The following PTPRQ variants were observed in gnomAD, a reference collection of about 807,000 sequenced individuals.
The protein encoded by PTPRQ is phosphatidylinositol phosphatase PTPRQ.
In PTPRQ, 199 loss-of-function variants were observed where a neutral mutation model predicts 246.0. The ratio of observed to expected loss-of-function variants is 0.81; its 90% CI spans 0.72 to 0.91. PTPRQ has a LOEUF of 0.91. Among genes scored for constraint, PTPRQ ranks in the 40% least tolerant of loss-of-function variants. The pLI is 0.00. For missense variants in PTPRQ, 2,624 were observed against 2,528.4 expected (o/e 1.04, Z -0.81); for synonymous variants, 869 against 853.2 (o/e 1.02, Z -0.32).
At chr12:80,527,733 C>T (rs1349680805) in intron 17 of PTPRQ, among the ~76,000 whole-genome samples, 5 of 152,092 alleles carry the variant, frequency 3.3e-5, no homozygotes, top group Non-Finnish European at 5.9e-5. Context: ...TATCTTTAAT[C>T]TCAGCACTTT....
chr12:80,459,665 G>T (rs941682025), intron 5 of PTPRQ, among the ~76,000 whole-genome samples, 182 bp downstream of exon 5: 1 of 152,118 alleles, frequency 6.6e-6, no homozygotes, highest in African/African-American at 2.4e-5. Context: ...AACACAATTG[G>T]CCTCATTCAG....
intron 27 of PTPRQ, among the ~76,000 whole-genome samples, chr12:80,607,721 C>T (rs1223023823): frequency 6.6e-6 from 1 of 150,834 alleles, no homozygotes; most frequent in East Asian, 1.9e-4. Flanking sequence ...ACTAGCCACA[C>T]CGATAAAACT....
intron 25 of PTPRQ, among the ~76,000 whole-genome samples, chr12:80,550,931 G>A (rs1010792316): frequency 1.3e-5 from 2 of 151,804 alleles, no homozygotes; most frequent in Non-Finnish European, 2.9e-5. Flanking sequence ...ATATTGATAG[G>A]CCCTCCTTCC....
intron 25 of PTPRQ, among the ~76,000 whole-genome samples, chr12:80,575,184 T>C (rs548830166): frequency 6.6e-6 from 1 of 152,344 alleles, no homozygotes; most frequent in Non-Finnish European, 1.5e-5. Flanking sequence ...CACTGAACAC[T>C]TTAGTGTATA....
intron 25 of PTPRQ, among the ~76,000 whole-genome samples, chr12:80,563,456 C>T (rs1046128529): frequency 3.2e-4 from 49 of 152,266 alleles, no homozygotes; most frequent in African/African-American, 1.1e-3. Flanking sequence ...CTAATCACCT[C>T]CCAAAGGCCT....
intron 8 of PTPRQ, among the ~76,000 whole-genome samples, chr12:80,476,292 G>A (rs915581424): frequency 4.6e-5 from 7 of 152,084 alleles, no homozygotes; most frequent in Non-Finnish European, 8.8e-5. Flanking sequence ...TTGCATATTG[G>A]TAAATATGAT....
At chr12:80,577,610 G>C (rs1244700792) in intron 25 of PTPRQ, among the ~76,000 whole-genome samples, 1 of 152,036 alleles carries the variant, frequency 6.6e-6, no homozygotes, top group Non-Finnish European at 1.5e-5. Context: ...CCTAAAAAAT[G>C]ACTTTTTCTT....
intron 8 of PTPRQ, among the ~76,000 whole-genome samples, chr12:80,477,821 C>G (rs577439282): frequency 6.6e-6 from 1 of 152,142 alleles, no homozygotes. Flanking sequence ...GCTTTTCTGA[C>G]GGGCTTAAAA....
At chr12:80,533,389 A>G (rs1895898906) in intron 17 of PTPRQ, among the ~76,000 whole-genome samples, 1 of 151,882 alleles carries the variant, frequency 6.6e-6, no homozygotes, top group Non-Finnish European at 1.5e-5. Context: ...TTCTGGAGTG[A>G]TATTGTAAAT....
chr12:80,642,713 G>A (rs1053161885), intron 35 of PTPRQ, among the ~76,000 whole-genome samples: 64 of 151,620 alleles, frequency 4.2e-4, no homozygotes, highest in African/African-American at 1.4e-3. Context: ...GAGGTCAGGA[G>A]ATCGAGACCA....
At chr12:80,448,644 G>A (rs886242554) in intron 3 of PTPRQ, among the ~76,000 whole-genome samples, 10 of 149,350 alleles carry the variant, frequency 6.7e-5, no homozygotes, top group Admixed American at 4.7e-4. Flanking sequence ...TCGTTCTTGC[G>A]ATAGTTTACT....
At chr12:80,632,147 G>A (rs1259599196) in intron 33 of PTPRQ, 45 bp from the exon 34 acceptor site, 12 of 1,521,224 alleles carry the variant, frequency 7.9e-6, no homozygotes, top group Non-Finnish European at 1.1e-5. Context: ...TTCAAAATAA[G>A]ATTCCATAAT....
intron 39 of PTPRQ, 71 bp from the exon 40 acceptor site, chr12:80,668,936 G>C: frequency 6.9e-7 from 1 of 1,452,426 alleles, no homozygotes. Context: ...TATGTTTCAT[G>C]CATTGATCGA....
intron 25 of PTPRQ, among the ~76,000 whole-genome samples, chr12:80,558,939 T>C (rs527624617): frequency 6.6e-6 from 1 of 152,352 alleles, no homozygotes; most frequent in African/African-American, 2.4e-5. Flanking sequence ...ATTGTTTTGT[T>C]TTATTGTTGA....
At chr12:80,655,531 C>A (rs999827908) in intron 38 of PTPRQ, among the ~76,000 whole-genome samples, 1 of 151,918 alleles carries the variant, frequency 6.6e-6, no homozygotes. Context: ...AAGTCACAGG[C>A]ACATCTATTC....
chr12:80,479,400 T>A (rs1259045803), intron 8 of PTPRQ, among the ~76,000 whole-genome samples: 3 of 151,466 alleles, frequency 2.0e-5, no homozygotes, highest in South Asian at 2.1e-4. Context: ...AAGGAACAAC[T>A]GGTACCAGCC....
chr12:80,539,169 G>A (rs1315629638), intron 19 of PTPRQ, among the ~76,000 whole-genome samples: 1 of 151,844 alleles, frequency 6.6e-6, no homozygotes, highest in African/African-American at 2.4e-5. Context: ...AATGCAACTA[G>A]GAGTCAGTCA....
At chr12:80,478,720 G>A (rs1356498447) in intron 8 of PTPRQ, among the ~76,000 whole-genome samples, 4 of 152,190 alleles carry the variant, frequency 2.6e-5, no homozygotes, top group Non-Finnish European at 2.9e-5. Context: ...CGAGAACTAC[G>A]TGAAGAATGC....
chr12:80,549,795 T>C (rs1896417343), intron 25 of PTPRQ, 61 bp downstream of exon 25: 1 of 1,474,390 alleles, frequency 6.8e-7, no homozygotes, highest in East Asian at 2.5e-5. Flanking sequence ...ATTGTGTCAA[T>C]ACCACCTGCA....
Sources: allele counts gnomAD v4.1 joint callset (sites outside exome capture counted in the v4.1 genomes callset), GRCh38; gene constraint gnomAD v4.1.1; transcripts MANE v1.5; gene names NCBI Gene and HGNC (gene_info 2026-07-23, HGNC 2026-07-21).